Variants in TAF1 observed in about 807,000 individuals in gnomAD.
The protein encoded by TAF1 is TATA-box binding protein associated factor 1, also known as transcription initiation factor TFIID subunit 1.
Under a neutral mutation model 138.5 loss-of-function variants are expected in TAF1, and 2 were observed. The ratio of observed to expected loss-of-function variants is 0.01; its 90% CI spans 0.01 to 0.05. TAF1 has a LOEUF of 0.05. Among genes scored for constraint, TAF1 ranks in the 10% least tolerant of loss-of-function variants. TAF1 has a pLI of 1.00. For synonymous variants in TAF1, 437 were observed against 503.2 expected, an observed-to-expected ratio of 0.87 and a Z score of 1.76; for missense variants, 709 against 1,478.0, an observed-to-expected ratio of 0.48 and a Z score of 8.53.
intron 17 of TAF1, 33 bp downstream of exon 17, chrX:71,388,901 C>T: frequency 8.6e-7 from 1 of 1,164,309 alleles, no homozygotes; most frequent in Non-Finnish European, 1.1e-6. Context: ...CCACTTATGC[C>T]TGTGGTTTTT....
chrX:71,461,642 G>T (rs1436550394), intron 37 of TAF1, among the ~76,000 whole-genome samples: 1 of 111,721 alleles, frequency 9.0e-6, no homozygotes, highest in Non-Finnish European at 1.9e-5. Flanking sequence ...ATGTATCTAT[G>T]ATACATCTAA....
chrX:71,513,680 G>A (rs1201331982), intron 13 of TAF1, among the ~76,000 whole-genome samples: 1 of 111,396 alleles, frequency 9.0e-6, no homozygotes, highest in East Asian at 2.8e-4. Context: ...CCAGGAGTTC[G>A]AGACCAGCCT....
chrX:71,510,556 T>A (rs1294377835), intron 13 of TAF1, among the ~76,000 whole-genome samples: 2 of 111,769 alleles, frequency 1.8e-5, no homozygotes, highest in African/African-American at 6.5e-5. Flanking sequence ...ATGTAGAGAA[T>A]AGAAGAGTTT....
intron 2 of TAF1, 129 bp from the exon 3 acceptor site, chrX:71,367,924 GC>G: frequency 1.4e-6 from 1 of 706,456 alleles, no homozygotes. Context: ...GTCTGGCTTG[GC>G]CTTCCAAAGT....
chrX:71,416,256 C>T (rs2036006453), intron 28 of TAF1, among the ~76,000 whole-genome samples: 1 of 57,704 alleles, frequency 1.7e-5, no homozygotes, highest in Non-Finnish European at 3.4e-5. Context: ...CGTGGTGGCA[C>T]GTACCTGTAG....
At position 71,458,383 on chromosome X, in the gene TAF1, C is replaced by G. The variant is rs2038398605; in HGVS notation, c.5064+17C>G. ...GTAACACAGGTAGGATGTTCTTTTT[C>G]TCTTTATAAGATTGTTATTGTGCCT... On this transcript the variant is annotated intron_variant, in intron 35 of 37. Transcript: ENST00000423759. 9.1e-6 allele frequency: 11 copies of G among 1,207,431 alleles called. No individual in the cohort carries two copies. In the South Asian group the frequency reaches 1.6e-4, roughly 18 times the overall value.
intron 13 of TAF1, among the ~76,000 whole-genome samples, chrX:71,476,737 T>C (rs906594558): frequency 1.8e-5 from 2 of 110,146 alleles, no homozygotes; most frequent in African/African-American, 6.6e-5. Flanking sequence ...AGCAATGGAA[T>C]AGAGTAGAGA....
At chrX:71,472,058 C>T (rs2038899914) in intron 13 of TAF1, among the ~76,000 whole-genome samples, 1 of 111,978 alleles carries the variant, frequency 8.9e-6, no homozygotes, top group Non-Finnish European at 1.9e-5. Flanking sequence ...AGGAAGTCAG[C>T]GTGAAACGGC....
At chrX:71,387,090 A>G in intron 14 of TAF1, 171 bp from the exon 15 acceptor site, 1 of 501,845 alleles carries the variant, frequency 2.0e-6, no homozygotes, top group Non-Finnish European at 3.2e-6. Context: ...TGGATGAAAA[A>G]TTGTTTAGTC....
intron 28 of TAF1, among the ~76,000 whole-genome samples, chrX:71,417,167 G>T (rs188199980): frequency 1.5e-3 from 164 of 109,913 alleles, no homozygotes; most frequent in African/African-American, 5.3e-3. Flanking sequence ...AGATTAATGG[G>T]TTAATATGGG....
At chrX:71,378,794 G>T (rs202103170) in intron 7 of TAF1, 30 bp from the exon 8 acceptor site, 1 of 1,186,089 alleles carries the variant, frequency 8.4e-7, no homozygotes, top group African/African-American at 1.8e-5. Context: ...GACCAATCAA[G>T]GATGTGTTTT....
chrX:71,511,691 C>G (rs17217228), intron 13 of TAF1, among the ~76,000 whole-genome samples: 3,534 of 111,770 alleles, frequency 0.032, 76 homozygotes, highest in Non-Finnish European at 0.051. Context: ...GACAATGTGA[C>G]TTTGGCTGTT....
rs1223302009 is a variant in TAF1, at chrX:71,475,761, A to T, written c.1366+14958A>T. On this transcript the variant is annotated intron_variant and NMD_transcript_variant, in intron 13 of 14. Coordinates refer to the TAF1 transcript ENST00000373775. ...ATAGTAAACATGTTGATATGGTTTG[A>T]TGTTTGTCCTCTACAAGTCTCACGT... Among the ~76,000 whole-genome samples, 3 of 110,744 alleles carry T rather than the reference A, an allele frequency of 2.7e-5. No homozygotes were observed. The East Asian group carries it at 8.4e-4, about 31-fold the overall frequency.
chrX:71,444,445 A>G (rs1339311802), intron 32 of TAF1, among the ~76,000 whole-genome samples: 1 of 111,911 alleles, frequency 8.9e-6, no homozygotes, highest in Non-Finnish European at 1.9e-5. Flanking sequence ...CAGGCTAGGC[A>G]CAGTGGCTCA....
At chrX:71,388,643 T>C in intron 16 of TAF1, 95 bp from the exon 17 acceptor site, 1 of 1,128,246 alleles carries the variant, frequency 8.9e-7, no homozygotes, top group South Asian at 2.0e-5. Flanking sequence ...CTAGGCCTGT[T>C]ACAGTTTTGG....
intron 34 of TAF1, among the ~76,000 whole-genome samples, chrX:71,455,428 C>T (rs1020145135): frequency 1.8e-5 from 2 of 111,872 alleles, no homozygotes; most frequent in Non-Finnish European, 3.8e-5. Context: ...TCTAACTGAA[C>T]CCTTGAAATA....
At chrX:71,459,824 A>T in intron 36 of TAF1, 116 bp downstream of exon 36, 1 of 1,108,597 alleles carries the variant, frequency 9.0e-7, no homozygotes, top group Non-Finnish European at 1.2e-6. Context: ...TCTTTTATTG[A>T]ATTCCTATTA....
At chrX:71,399,253 CTTTTTTT>C (rs1159549890) in intron 24 of TAF1, among the ~76,000 whole-genome samples, 92 of 70,347 alleles carry the variant, frequency 1.3e-3, no homozygotes, top group Non-Finnish European at 1.9e-3. Flanking sequence ...CATTTATTCT[CTTTTTTT>C]TTTTTTTTTT....
chrX:71,505,815 G>A, intron 13 of TAF1, among the ~76,000 whole-genome samples: 1 of 111,044 alleles, frequency 9.0e-6, no homozygotes. Flanking sequence ...GAGGTCAGGG[G>A]TTCGAGACCA....
Sources: allele counts gnomAD v4.1 joint callset (sites outside exome capture counted in the v4.1 genomes callset), GRCh38; gene constraint gnomAD v4.1.1; transcripts MANE v1.5; gene names NCBI Gene and HGNC (gene_info 2026-07-23, HGNC 2026-07-21).